Variants in OPCML observed in about 807,000 individuals in gnomAD.
OPCML encodes opioid-binding protein/cell adhesion molecule.
OPCML carries 13 observed loss-of-function variants against 37.8 expected under a neutral mutation model. That is an observed-to-expected ratio of 0.34 (90% CI 0.22 to 0.55). The LOEUF is 0.55. OPCML is among the 20% of genes least tolerant of loss of function. OPCML has a pLI of 0.91. For synonymous variants in OPCML, 176 were observed against 168.8 expected (o/e 1.04, Z -0.33); for missense variants, 341 against 435.6 (o/e 0.78, Z 1.93).
chr11:132,718,687 G>A (rs1009869444), intron 2 of OPCML, among the ~76,000 whole-genome samples: 2 of 152,120 alleles, frequency 1.3e-5, no homozygotes, highest in African/African-American at 4.8e-5. Context: ...ATCCCAGTGA[G>A]GACAGCAATG....
intron 1 of OPCML, among the ~76,000 whole-genome samples, chr11:133,046,677 C>T (rs539125622): frequency 1.3e-5 from 2 of 152,256 alleles, no homozygotes; most frequent in East Asian, 3.9e-4. Context: ...TTAGGGGTGC[C>T]CATACTGTGG....
rs75455161 is a variant in OPCML at position 132,928,217 on chromosome 11, A to G, written c.146+14709T>C. On this transcript the variant is annotated intron_variant, in intron 2 of 7. Transcript: ENST00000524381. Reference sequence around the variant, plus strand: ...ATGGATTAAAAAACAGCATCCAACTATATGCTGTGTCCAAGAGACCCAGTT... The same window carrying G: ...ATGGATTAAAAAACAGCATCCAACTGTATGCTGTGTCCAAGAGACCCAGTT... Among the ~76,000 whole-genome samples the G allele has an allele frequency of 7.9e-3, 1,196 of 152,140 alleles. 14 individuals are homozygous for G. The highest frequency in any genetic ancestry group is 0.028 in the African/African-American group (1,151 of 41,562).
chr11:133,047,071 G>C (rs1014261180), intron 1 of OPCML, among the ~76,000 whole-genome samples: 3 of 152,198 alleles, frequency 2.0e-5, no homozygotes, highest in Admixed American at 1.3e-4. Context: ...AACGGTGATT[G>C]AGACAAGGTG....
At chr11:133,188,850 C>G (rs1232490434) in intron 1 of OPCML, among the ~76,000 whole-genome samples, 3 of 152,130 alleles carry the variant, frequency 2.0e-5, no homozygotes, top group Non-Finnish European at 2.9e-5. Flanking sequence ...TCTCTGCACC[C>G]CACACTTCTC....
chr11:133,142,761 A>G (rs1949842162), intron 1 of OPCML, among the ~76,000 whole-genome samples: 1 of 152,124 alleles, frequency 6.6e-6, no homozygotes, highest in South Asian at 2.1e-4. Context: ...CATGGCATAG[A>G]GATGGCTGTT....
At chr11:132,810,996 G>T (rs887307895) in intron 2 of OPCML, among the ~76,000 whole-genome samples, 4 of 152,180 alleles carry the variant, frequency 2.6e-5, no homozygotes, top group African/African-American at 9.7e-5. Context: ...GTAACAATTT[G>T]CAGAATGCTT....
chr11:133,033,879 T>A (rs1225665708), intron 1 of OPCML, among the ~76,000 whole-genome samples: 1 of 151,490 alleles, frequency 6.6e-6, no homozygotes, highest in Non-Finnish European at 1.5e-5. Context: ...ATCCCCAACT[T>A]AAAGATAAGA....
At chr11:132,721,574 G>A (rs1944671071) in intron 2 of OPCML, among the ~76,000 whole-genome samples, 1 of 152,204 alleles carries the variant, frequency 6.6e-6, no homozygotes, top group African/African-American at 2.4e-5. Context: ...ATATTAAGCA[G>A]AGAAGTGTTA....
intron 1 of OPCML, among the ~76,000 whole-genome samples, chr11:133,318,304 C>T (rs1943250785): frequency 6.6e-6 from 1 of 152,156 alleles, no homozygotes; most frequent in Non-Finnish European, 1.5e-5. Context: ...AGAAAAGAAC[C>T]CTGCAAAGTC....
intron 1 of OPCML, among the ~76,000 whole-genome samples, chr11:133,178,648 G>T (rs980042329): frequency 6.6e-6 from 1 of 152,114 alleles, no homozygotes; most frequent in Non-Finnish European, 1.5e-5. Flanking sequence ...CCAGGACAGT[G>T]TGTGTCCTGA....
chr11:132,738,358 A>T (rs1301131849), intron 2 of OPCML, among the ~76,000 whole-genome samples: 2 of 152,198 alleles, frequency 1.3e-5, no homozygotes, highest in Non-Finnish European at 2.9e-5. Context: ...TGAAGAGTAG[A>T]TTACATTCTT....
intron 1 of OPCML, among the ~76,000 whole-genome samples, chr11:133,530,282 C>G (rs1948578415): frequency 6.6e-6 from 1 of 152,236 alleles, no homozygotes; most frequent in African/African-American, 2.4e-5. Context: ...CACCCTGGCT[C>G]CTGGCTCCTT....
chr11:133,334,931 T>C (rs774158306), intron 1 of OPCML, among the ~76,000 whole-genome samples: 6 of 152,192 alleles, frequency 3.9e-5, no homozygotes, highest in Non-Finnish European at 7.3e-5. Flanking sequence ...TGCTCTTACC[T>C]ACTGGTGCGC....
intron 1 of OPCML, among the ~76,000 whole-genome samples, chr11:133,458,163 T>TAC (rs1474404130): frequency 2.0e-5 from 3 of 147,288 alleles, no homozygotes; most frequent in Admixed American, 6.7e-5. Flanking sequence ...AATATATATA[T>TAC]ACATATACAT....
At chr11:133,254,214 G>C (rs1004307247) in intron 1 of OPCML, among the ~76,000 whole-genome samples, 1 of 152,160 alleles carries the variant, frequency 6.6e-6, no homozygotes, top group South Asian at 2.1e-4. Flanking sequence ...ATGATGACAA[G>C]GACTTAGGCT....
chr11:132,788,410 T>C (rs1937656498), intron 2 of OPCML, among the ~76,000 whole-genome samples: 1 of 152,230 alleles, frequency 6.6e-6, no homozygotes, highest in African/African-American at 2.4e-5. Flanking sequence ...TTTATTCATT[T>C]TTCTCTATTC....
rs534361526 is a variant in OPCML, at chr11:133,232,610, G to A, written c.62-289600C>T. On this transcript the variant is annotated intron_variant, in intron 1 of 7. Transcript: ENST00000524381. ...ACCACCTCACTCTTCACTTTATCCTGTTATGTGACACAGCACATGCACACA... is the reference window on the plus strand; with the variant it reads ...ACCACCTCACTCTTCACTTTATCCTATTATGTGACACAGCACATGCACACA... Among the ~76,000 whole-genome samples the A allele has an allele frequency of 1.4e-3, 216 of 152,168 alleles. 5 individuals carry two copies. Among genetic ancestry groups the A allele is most frequent in the Middle Eastern group, 0.01 (3 of 294 alleles).
chr11:132,901,982 G>GGTGTTTGC (rs2136503460), intron 2 of OPCML, among the ~76,000 whole-genome samples: 1 of 152,250 alleles, frequency 6.6e-6, no homozygotes, highest in African/African-American at 2.4e-5. Flanking sequence ...CCCCACCACC[G>GGTGTTTGC]GTGTTTGCGT....
intron 6 of OPCML, 106 bp from the exon 7 acceptor site, chr11:132,436,343 C>G (rs1344190215): frequency 1.4e-5 from 23 of 1,595,458 alleles, no homozygotes; most frequent in Non-Finnish European, 1.9e-5. Flanking sequence ...AAACCCTAAG[C>G]ACTTCAGTGT....
Sources: allele counts gnomAD v4.1 joint callset (sites outside exome capture counted in the v4.1 genomes callset), GRCh38; gene constraint gnomAD v4.1.1; transcripts MANE v1.5; gene names NCBI Gene and HGNC (gene_info 2026-07-23, HGNC 2026-07-21).